The following DIAPH3 variants were observed in gnomAD, a reference collection of about 807,000 sequenced individuals.
DIAPH3 encodes protein diaphanous homolog 3.
DIAPH3 carries 117 observed loss-of-function variants against 144.3 expected under a neutral mutation model. The ratio of observed to expected loss-of-function variants is 0.81; its 90% CI spans 0.70 to 0.95. DIAPH3 has a LOEUF of 0.95. DIAPH3 is among the 40% of genes least tolerant of loss of function. The probability of loss-of-function intolerance (pLI) is 0.00; values close to 1 mark genes in which losing one functional copy is unlikely to be tolerated. For missense variants in DIAPH3, 1,421 were observed against 1,412.7 expected, an observed-to-expected ratio of 1.01 and a Z score of -0.09; for synonymous variants, 519 against 488.9, an observed-to-expected ratio of 1.06 and a Z score of -0.81.
intron 1 of DIAPH3, among the ~76,000 whole-genome samples, chr13:60,159,171 C>A (rs900809902): frequency 1.3e-5 from 2 of 152,134 alleles, no homozygotes; most frequent in Non-Finnish European, 2.9e-5. Context: ...TATCTTCTCA[C>A]CTCGCAGCCT....
intron 25 of DIAPH3, among the ~76,000 whole-genome samples, chr13:59,806,137 C>G (rs1055612469): frequency 1.3e-5 from 2 of 151,980 alleles, no homozygotes; most frequent in East Asian, 3.9e-4. Flanking sequence ...CCTCCATCAT[C>G]CAGGGGTATG....
intron 27 of DIAPH3, among the ~76,000 whole-genome samples, chr13:59,680,770 T>G (rs1469038410): frequency 1.3e-5 from 2 of 152,132 alleles, no homozygotes; most frequent in African/African-American, 4.8e-5. Context: ...ATTAATTAAT[T>G]ATTCTATTTC....
chr13:59,775,253 T>A (rs1004711333), intron 25 of DIAPH3, among the ~76,000 whole-genome samples: 1 of 151,846 alleles, frequency 6.6e-6, no homozygotes, highest in South Asian at 2.1e-4. Flanking sequence ...TTGTTTTTTG[T>A]TTTTTTTGAG....
At chr13:60,160,697 C>T (rs2138483311) in intron 1 of DIAPH3, among the ~76,000 whole-genome samples, 1 of 152,288 alleles carries the variant, frequency 6.6e-6, no homozygotes, top group Admixed American at 6.5e-5. Context: ...GTCCTCTCAG[C>T]CTCCTCCATC....
At chr13:60,137,707 CTT>C (rs1460555258) in intron 1 of DIAPH3, among the ~76,000 whole-genome samples, 1 of 146,304 alleles carries the variant, frequency 6.8e-6, no homozygotes. Flanking sequence ...TTTAAATAAT[CTT>C]TGGCTGACAC....
intron 23 of DIAPH3, among the ~76,000 whole-genome samples, chr13:59,836,934 T>C (rs2042071640): frequency 6.6e-6 from 1 of 151,990 alleles, no homozygotes; most frequent in Admixed American, 6.6e-5. Context: ...GCTCACAATT[T>C]GCCATTTTAA....
At chr13:59,974,126 C>T (rs763760975) in intron 15 of DIAPH3, among the ~76,000 whole-genome samples, 1 of 151,812 alleles carries the variant, frequency 6.6e-6, no homozygotes, top group African/African-American at 2.4e-5. Flanking sequence ...ACATTAGGAA[C>T]AAAACCCTAA....
At chr13:59,790,769 AGAG>A (rs1401831921) in intron 25 of DIAPH3, among the ~76,000 whole-genome samples, 1 of 152,180 alleles carries the variant, frequency 6.6e-6, no homozygotes, top group Non-Finnish European at 1.5e-5. Context: ...GAAAAATGAA[AGAG>A]GAGACAACTG....
intron 24 of DIAPH3, among the ~76,000 whole-genome samples, chr13:59,828,573 T>C (rs1037934908): frequency 6.7e-6 from 1 of 148,814 alleles, no homozygotes; most frequent in East Asian, 2.0e-4. Context: ...GAAGCTTCTC[T>C]GCAAAGACAT....
intron 25 of DIAPH3, among the ~76,000 whole-genome samples, chr13:59,778,996 C>A (rs2038579069): frequency 6.6e-6 from 1 of 152,146 alleles, no homozygotes; most frequent in South Asian, 2.1e-4. Context: ...CCTACCCCAA[C>A]AATGATTTCA....
At chr13:59,721,844 C>CTTG in intron 27 of DIAPH3, among the ~76,000 whole-genome samples, 1 of 152,206 alleles carries the variant, frequency 6.6e-6, no homozygotes, top group East Asian at 1.9e-4. Flanking sequence ...CACTGGGTTG[C>CTTG]TTGTGTCCAG....
chr13:60,077,433 T>C (rs751414627), intron 4 of DIAPH3, among the ~76,000 whole-genome samples: 8 of 152,178 alleles, frequency 5.3e-5, no homozygotes, highest in Non-Finnish European at 1.2e-4. Flanking sequence ...TATGAGATAA[T>C]ATGAGCCTCC....
At chr13:59,705,792 T>C (rs536560682) in intron 27 of DIAPH3, among the ~76,000 whole-genome samples, 3 of 152,146 alleles carry the variant, frequency 2.0e-5, no homozygotes, top group Admixed American at 2.0e-4. Context: ...TATTACTAAT[T>C]GTTATGGTAA....
At chr13:60,058,030 C>A (rs1302813023) in intron 4 of DIAPH3, among the ~76,000 whole-genome samples, 1 of 151,244 alleles carries the variant, frequency 6.6e-6, no homozygotes, top group Non-Finnish European at 1.5e-5. Flanking sequence ...CAACAAAAAA[C>A]AAAAAATAAA....
chr13:60,001,916 T>C (rs1309885996), intron 9 of DIAPH3, among the ~76,000 whole-genome samples: 1 of 152,194 alleles, frequency 6.6e-6, no homozygotes, highest in Non-Finnish European at 1.5e-5. Context: ...AAAAAATCTG[T>C]GCCTGATTTC....
intron 27 of DIAPH3, among the ~76,000 whole-genome samples, chr13:59,735,454 G>A (rs916056906): frequency 2.6e-5 from 4 of 152,140 alleles, no homozygotes; most frequent in African/African-American, 9.7e-5. Flanking sequence ...ATTTGACATC[G>A]TGTTAGGTGG....
At chr13:60,123,794 A>T (rs949351636) in intron 2 of DIAPH3, among the ~76,000 whole-genome samples, 8 of 152,074 alleles carry the variant, frequency 5.3e-5, no homozygotes, top group African/African-American at 1.7e-4. Flanking sequence ...TACCAAGGAA[A>T]ATATAAAAAG....
intron 27 of DIAPH3, among the ~76,000 whole-genome samples, chr13:59,760,425 GTTTCTT>G (rs1434792762): frequency 6.6e-5 from 10 of 152,078 alleles, no homozygotes; most frequent in Non-Finnish European, 1.2e-4. Context: ...GATAATAAAA[GTTTCTT>G]AGTTGTCTCT....
chr13:60,159,991 C>T (rs1952210632), intron 1 of DIAPH3, among the ~76,000 whole-genome samples: 1 of 152,006 alleles, frequency 6.6e-6, no homozygotes, highest in Admixed American at 6.6e-5. Context: ...TTTGGGAGGC[C>T]GAGGTGGGCG....
Sources: allele counts gnomAD v4.1 joint callset (sites outside exome capture counted in the v4.1 genomes callset), GRCh38; gene constraint gnomAD v4.1.1; transcripts MANE v1.5; gene names NCBI Gene and HGNC (gene_info 2026-07-23, HGNC 2026-07-21).